The following HIPK2 variants were observed in gnomAD, a reference collection of about 807,000 sequenced individuals.
HIPK2 encodes the protein homeodomain-interacting protein kinase 2.
Under a neutral mutation model 113.7 loss-of-function variants are expected in HIPK2, and 27 were observed. That is an observed-to-expected ratio of 0.24 (90% CI 0.17 to 0.33). The LOEUF (loss-of-function observed/expected upper bound fraction) is 0.33, where lower values mean the gene tolerates loss of function less well. Ranked by LOEUF, HIPK2 falls within the 10% of genes least tolerant of loss-of-function variation. The pLI is 1.00. For synonymous variants in HIPK2, 631 were observed against 642.2 expected, an observed-to-expected ratio of 0.98 and a Z score of 0.26; for missense variants, 1,257 against 1,588.0, an observed-to-expected ratio of 0.79 and a Z score of 3.54.
chr7:139,572,874 TCCTCCCTCGGGCCATTCTCTCCCTCCCTC>T lies in HIPK2; in HGVS notation c.*24_*52del. 7.6e-7 allele frequency: 1 copy of T among 1,320,026 alleles called. No individual in the cohort carries two copies. Among genetic ancestry groups the T allele is most frequent in the Non-Finnish European group, 9.8e-7 (1 of 1,017,160 alleles). The allele number at this position is 1,320,026 out of a possible 1,614,324, so 81.8% of individuals were successfully genotyped here. ...AGGAGCGCCTCCCTCCTTCTCTCCC[TCCTCCCTCGGGCCATTCTCTCCCTCCCTC>T]CCTCCCTCCCTCCCCTCCAGTGTTT... On this transcript the variant is annotated 3_prime_UTR_variant, in exon 15 of 15. Coordinates refer to ENST00000406875, the MANE Select transcript of HIPK2 (RefSeq NM_022740.5).
At chr7:139,638,520 C>A (rs1055039367) in intron 2 of HIPK2, among the ~76,000 whole-genome samples, 4 of 152,150 alleles carry the variant, frequency 2.6e-5, no homozygotes, top group Non-Finnish European at 4.4e-5. Flanking sequence ...TATTTTGGGA[C>A]ATCAGAAATA....
At chr7:139,681,238 T>C (rs1569472949) in intron 2 of HIPK2, among the ~76,000 whole-genome samples, 2 of 152,210 alleles carry the variant, frequency 1.3e-5, no homozygotes, top group Admixed American at 6.5e-5. Context: ...TCCCTGCTTT[T>C]AGCTTTTCAT....
chr7:139,742,931 C>T (rs976639853), intron 1 of HIPK2, among the ~76,000 whole-genome samples: 7 of 152,216 alleles, frequency 4.6e-5, no homozygotes, highest in Non-Finnish European at 8.8e-5. Context: ...CAATCAATAA[C>T]GTCTGTCCAG....
chr7:139,669,195 A>C (rs991978482), intron 2 of HIPK2, among the ~76,000 whole-genome samples: 4 of 152,202 alleles, frequency 2.6e-5, no homozygotes, highest in African/African-American at 9.7e-5. Flanking sequence ...TCCTCTCCCC[A>C]GCCCGAGACC....
At chr7:139,645,543 C>T (rs1801181111) in intron 2 of HIPK2, among the ~76,000 whole-genome samples, 1 of 152,160 alleles carries the variant, frequency 6.6e-6, no homozygotes, top group Admixed American at 6.5e-5. Context: ...AGGGCCGAAA[C>T]CCACTAATAC....
intron 1 of HIPK2, among the ~76,000 whole-genome samples, chr7:139,721,089 G>A (rs1171716072): frequency 2.0e-5 from 3 of 152,112 alleles, no homozygotes; most frequent in African/African-American, 4.8e-5. Flanking sequence ...CTCAGACTCC[G>A]GCCTGGCCTG....
intron 2 of HIPK2, among the ~76,000 whole-genome samples, chr7:139,663,622 C>T (rs534039885): frequency 6.6e-6 from 1 of 152,344 alleles, no homozygotes; most frequent in South Asian, 2.1e-4. Context: ...CAAAGCTATT[C>T]ATCTACGTTA....
chr7:139,663,220 C>A (rs1801926521), intron 2 of HIPK2, among the ~76,000 whole-genome samples: 1 of 152,248 alleles, frequency 6.6e-6, no homozygotes, highest in Admixed American at 6.5e-5. Context: ...CTGGTCTCCA[C>A]TGACCTTCAC....
intron 2 of HIPK2, among the ~76,000 whole-genome samples, chr7:139,715,721 G>A (rs950113582): frequency 1.3e-5 from 2 of 152,218 alleles, no homozygotes; most frequent in Non-Finnish European, 2.9e-5. Context: ...CTGAACACCT[G>A]TGCCACGGAT....
At chr7:139,659,925 A>C (rs150237954) in intron 2 of HIPK2, among the ~76,000 whole-genome samples, 92 of 152,356 alleles carry the variant, frequency 6.0e-4, no homozygotes, top group South Asian at 2.9e-3. Flanking sequence ...ATAGCTTCCC[A>C]ATATATAACT....
chr7:139,758,241 T>C (rs1264956715), intron 1 of HIPK2, among the ~76,000 whole-genome samples: 3 of 152,036 alleles, frequency 2.0e-5, no homozygotes, highest in African/African-American at 7.3e-5. Context: ...TTTTCAGATA[T>C]GAAAAGATGA....
At chr7:139,646,516 AAAAGG>A (rs1483278207) in intron 2 of HIPK2, among the ~76,000 whole-genome samples, 1 of 145,800 alleles carries the variant, frequency 6.9e-6, no homozygotes, top group African/African-American at 2.5e-5. Flanking sequence ...AAAAAAAAAA[AAAAGG>A]AAAGAAAGAA....
intron 7 of HIPK2, among the ~76,000 whole-genome samples, chr7:139,618,856 G>A (rs1800145596): frequency 6.6e-6 from 1 of 152,202 alleles, no homozygotes; most frequent in Non-Finnish European, 1.5e-5. Context: ...TGGGGTTAGG[G>A]AGTTAAGACC....
At chr7:139,658,581 A>G (rs992848704) in intron 2 of HIPK2, among the ~76,000 whole-genome samples, 33 of 152,262 alleles carry the variant, frequency 2.2e-4, no homozygotes, top group African/African-American at 7.7e-4. Flanking sequence ...AACCTATTTT[A>G]TAAACCAAAT....
chr7:139,754,601 T>G (rs759472255), intron 1 of HIPK2, among the ~76,000 whole-genome samples: 1 of 152,178 alleles, frequency 6.6e-6, no homozygotes, highest in Non-Finnish European at 1.5e-5. Flanking sequence ...CTAAACCTCT[T>G]ACAAAAGTCA....
chr7:139,732,954 G>C (rs1023972123), intron 1 of HIPK2, among the ~76,000 whole-genome samples: 6 of 151,738 alleles, frequency 4.0e-5, no homozygotes, highest in African/African-American at 1.5e-4. Context: ...TGGATCATGC[G>C]GGTGGTTTCT....
At chr7:139,609,946 C>A (rs556895125) in intron 9 of HIPK2, among the ~76,000 whole-genome samples, 1 of 152,184 alleles carries the variant, frequency 6.6e-6, no homozygotes. Context: ...CCCTTACTGA[C>A]GAACATTCAA....
intron 10 of HIPK2, 22 bp downstream of exon 10, chr7:139,604,059 C>T (rs758579981): frequency 6.2e-7 from 1 of 1,613,492 alleles, no homozygotes. Context: ...ACCCACTCAC[C>T]CTAGAGGGGT....
intron 1 of HIPK2, 74 bp downstream of exon 1, chr7:139,777,531 C>A: frequency 1.5e-6 from 1 of 683,454 alleles, no homozygotes; most frequent in Non-Finnish European, 1.8e-6. Flanking sequence ...GGGCGCGGGG[C>A]CGCGGGCAGA....
Sources: allele counts gnomAD v4.1 joint callset (sites outside exome capture counted in the v4.1 genomes callset), GRCh38; gene constraint gnomAD v4.1.1; transcripts MANE v1.5; gene names NCBI Gene and HGNC (gene_info 2026-07-23, HGNC 2026-07-21).